NME9: variants seen among roughly 807,000 people sequenced by gnomAD.
The protein encoded by NME9 is NME/NM23 family member 9.
NME9 carries 48 observed loss-of-function variants against 44.4 expected under a neutral mutation model. That is an observed-to-expected ratio of 1.08 (90% CI 0.86 to 1.37). The LOEUF (loss-of-function observed/expected upper bound fraction) is 1.37. Ranked by LOEUF, NME9 falls within the 40% of genes most tolerant of loss-of-function variation. NME9 has a pLI of 0.00. For missense variants in NME9, 325 were observed against 405.2 expected (o/e 0.80, Z 1.70); for synonymous variants, 139 against 147.1 (o/e 0.94, Z 0.40).
chr3:138,302,127 C>CT (rs899871113), intron 10 of NME9, among the ~76,000 whole-genome samples: 24 of 152,070 alleles, frequency 1.6e-4, no homozygotes, highest in Non-Finnish European at 2.5e-4. Flanking sequence ...TGACTCCTGC[C>CT]TTTTTTTAGC....
intron 8 of NME9, among the ~76,000 whole-genome samples, chr3:138,294,021 C>A (rs2051237107): frequency 6.6e-6 from 1 of 152,128 alleles, no homozygotes; most frequent in African/African-American, 2.4e-5. Flanking sequence ...TCTAAAAAGA[C>A]TCCTTAGATA....
chr3:138,311,303 C>G (rs1013534359), intron 6 of NME9, among the ~76,000 whole-genome samples: 3 of 152,138 alleles, frequency 2.0e-5, no homozygotes, highest in African/African-American at 4.8e-5. Flanking sequence ...ATTCTAAATT[C>G]TACCAAACAT....
intron 6 of NME9, among the ~76,000 whole-genome samples, chr3:138,313,600 T>G (rs1226542259): frequency 5.3e-5 from 8 of 152,130 alleles, no homozygotes; most frequent in Non-Finnish European, 1.0e-4. Context: ...AATCAAGAGA[T>G]ATCTGCACTC....
intron 6 of NME9, 43 bp downstream of exon 6, chr3:138,314,289 G>T (rs373691689): frequency 8.5e-7 from 1 of 1,178,784 alleles, no homozygotes; most frequent in Non-Finnish European, 1.2e-6. Context: ...TAAAATCTGA[G>T]TCTGCTTTGC....
rs777546285 is a variant in NME9, at chr3:138,315,636, TCTC to T, written c.272_274del (p.Gly91del). The stretch of plus-strand genomic sequence containing the variant: ...TGCTCCTCTAACCACAGCCACCAGT[TCTC>T]CTCCCTAGAATACGTTACAAACAGC... On this transcript the variant is annotated inframe_deletion, in exon 5 of 11. Coordinates refer to ENST00000333911, the MANE Select transcript of NME9 (RefSeq NM_001349018.2). 17 of 1,534,918 alleles carry T rather than the reference TCTC, an allele frequency of 1.1e-5. No homozygotes were observed. In the Admixed American group the frequency reaches 1.8e-4, roughly 16 times the overall value.
intron 4 of NME9, among the ~76,000 whole-genome samples, chr3:138,316,226 G>A (rs1158851520): frequency 1.3e-5 from 2 of 152,182 alleles, no homozygotes; most frequent in Non-Finnish European, 2.9e-5. Context: ...GTAACCAGCA[G>A]TTCATTAAGG....
chr3:138,322,254 A>G (rs946766194), intron 2 of NME9, among the ~76,000 whole-genome samples: 42 of 151,680 alleles, frequency 2.8e-4, no homozygotes, highest in African/African-American at 1.0e-3. Context: ...TCTGTGCTGT[A>G]TTTGTATTGA....
rs571023788 is a variant in NME9 at position 138,305,172 on chromosome 3, T to C, written c.637-145A>G. On this transcript the variant is annotated intron_variant, in intron 8 of 10. Coordinates refer to ENST00000333911, the MANE Select transcript of NME9 (RefSeq NM_001349018.2). ...AGCATGCCCGTGGCCACTCAGCCACTGCACCCTGTCTCTGCCTGGCCACCT... is the reference window on the plus strand; with the variant it reads ...AGCATGCCCGTGGCCACTCAGCCACCGCACCCTGTCTCTGCCTGGCCACCT... 7 of 719,516 alleles carry C rather than the reference T, an allele frequency of 9.7e-6. No homozygotes were observed. The African/African-American group carries it at 1.1e-4, about 11-fold the overall frequency. 44.6% of individuals were successfully genotyped at this position (719,516 alleles called of 1,614,324 possible). A position where few individuals can be genotyped will look rare whatever the true frequency, so the allele number is the denominator to read the frequency against.
Position 138,319,355 on chromosome 3 carries a change from C to T in NME9, c.195+123G>A. 5 of 633,758 alleles carry T rather than the reference C, an allele frequency of 7.9e-6. No homozygotes were observed. In the East Asian group the frequency reaches 1.4e-4, roughly 17 times the overall value. The allele number at this position is 633,758 out of a possible 1,614,324, so 39.3% of individuals were successfully genotyped here. ...TATCATGACAGTATCAACAAAAAGT[C>T]CACACTGATTCCTTTTTAATGACCT... is the stretch of plus-strand genomic sequence containing the variant. On this transcript the variant is annotated intron_variant, in intron 3 of 10. Coordinates refer to ENST00000333911, the MANE Select transcript of NME9 (RefSeq NM_001349018.2).
chr3:138,294,871 G>A (rs2051318660), intron 8 of NME9, among the ~76,000 whole-genome samples: 1 of 150,464 alleles, frequency 6.6e-6, no homozygotes, highest in Non-Finnish European at 1.5e-5. Context: ...TTTTTGGTTT[G>A]TTTTTTGGGT....
chr3:138,310,872 C>G (rs996877749), intron 6 of NME9, among the ~76,000 whole-genome samples: 1 of 151,972 alleles, frequency 6.6e-6, no homozygotes, highest in Non-Finnish European at 1.5e-5. Flanking sequence ...AAAGCAATAA[C>G]CAAACCCCCA....
In NME9 at chr3:138,281,361, C is replaced by T. The variant is rs1413125206; in HGVS notation, c.746-18775G>A. On this transcript the variant is annotated intron_variant, in intron 8 of 8. Coordinates refer to the NME9 transcript ENST00000317876. ...AGGCTGGAGTGCAGTGACGCGATATCGGCTCACTGCAACCTTTGGCTCCCA... is the reference window on the plus strand; with the variant it reads ...AGGCTGGAGTGCAGTGACGCGATATTGGCTCACTGCAACCTTTGGCTCCCA... Among the ~76,000 whole-genome samples, 3 of 150,790 alleles carry T rather than the reference C, an allele frequency of 2.0e-5. No homozygotes were observed. The South Asian group carries it at 6.3e-4, about 32-fold the overall frequency.
chr3:138,284,482 A>G lies in NME9; in HGVS notation c.745+19025T>C, dbSNP rs762260668. ...GGATGGGACAACAGCAAAAGATCTT[A>G]TTATGACCAATGATGATATCCTACA... is the stretch of plus-strand genomic sequence containing the variant. On this transcript the variant is annotated intron_variant, in intron 8 of 8. Transcript: ENST00000317876. 6 of 1,613,806 alleles carry G rather than the reference A, an allele frequency of 3.7e-6. No individual in the cohort carries two copies. In the South Asian group the frequency reaches 6.6e-5, roughly 18 times the overall value.
intron 8 of NME9, among the ~76,000 whole-genome samples, chr3:138,274,071 G>GC (rs949270959): frequency 1.3e-5 from 2 of 152,080 alleles, no homozygotes; most frequent in Non-Finnish European, 2.9e-5. Context: ...GCCCACCTCG[G>GC]CCCCCCAAAG....
At chr3:138,303,883 C>T (rs1560091607) in intron 9 of NME9, among the ~76,000 whole-genome samples, 1 of 152,158 alleles carries the variant, frequency 6.6e-6, no homozygotes, top group Admixed American at 6.5e-5. Context: ...TACATTTTCG[C>T]CACAGCTCTA....
At chr3:138,318,115 G>T (rs146963021) in intron 4 of NME9, 33 bp downstream of exon 4, 2 of 1,318,306 alleles carry the variant, frequency 1.5e-6, no homozygotes, top group Non-Finnish European at 2.2e-6. Flanking sequence ...ATTTGCAATC[G>T]TCAAATAGTT....
chr3:138,325,398 CTT>C (rs58680542), intron 1 of NME9, among the ~76,000 whole-genome samples: 2 of 140,354 alleles, frequency 1.4e-5, no homozygotes, highest in African/African-American at 2.6e-5. Flanking sequence ...GTAAAAATTT[CTT>C]TTTTTTTTTT....
At chr3:138,273,927 C>G (rs2049020967) in intron 8 of NME9, among the ~76,000 whole-genome samples, 2 of 151,638 alleles carry the variant, frequency 1.3e-5, no homozygotes, top group African/African-American at 4.8e-5. Context: ...AGTGATTCTT[C>G]TTTCTCAGTC....
intron 8 of NME9, among the ~76,000 whole-genome samples, chr3:138,286,487 G>A (rs2108367625): frequency 6.6e-6 from 1 of 152,050 alleles, no homozygotes; most frequent in South Asian, 2.1e-4. Flanking sequence ...TTTTCTCTTG[G>A]CTTGCGTGAC....
Sources: gnomAD v4.1 joint callset for allele counts (sites outside exome capture counted in the v4.1 genomes callset) on GRCh38, gnomAD v4.1.1 for gene constraint, MANE v1.5 for transcripts, NCBI Gene and HGNC (gene_info 2026-07-23, HGNC 2026-07-21) for gene names.